The following MSRB3 variants were observed in gnomAD, a reference collection of about 807,000 sequenced individuals.
MSRB3 encodes methionine sulfoxide reductase B3, also known as methionine-R-sulfoxide reductase B3.
MSRB3 carries 13 observed loss-of-function variants against 21.0 expected under a neutral mutation model. The observed-to-expected ratio is 0.62, with a 90% confidence interval of 0.40 to 0.98. The LOEUF is 0.98. Ranked by LOEUF, MSRB3 falls within the 50% of genes least tolerant of loss-of-function variation. The pLI is 0.00. For missense variants in MSRB3, 199 were observed against 230.3 expected, an observed-to-expected ratio of 0.86 and a Z score of 0.88; for synonymous variants, 87 against 88.6, an observed-to-expected ratio of 0.98 and a Z score of 0.10.
rs182998213 is a variant in MSRB3, at chr12:65,418,156, G to A, written c.293-35572G>A. ...TTTTGCTCTTGTCACCCAGGCTGGAGTGCAATGGCATGATCCTGGCTCACT... is the reference window on the plus strand; with the variant it reads ...TTTTGCTCTTGTCACCCAGGCTGGAATGCAATGGCATGATCCTGGCTCACT... On this transcript the variant is annotated intron_variant, in intron 5 of 6. Coordinates refer to ENST00000308259, the MANE Select transcript of MSRB3 (RefSeq NM_001031679.3). 7.2e-5 allele frequency among the ~76,000 whole-genome samples: 11 copies of A among 152,300 alleles called. No individual in the cohort carries two copies. In the East Asian group the frequency reaches 2.1e-3, roughly 29 times the overall value.
chr12:65,418,754 C>T (rs1881114544), intron 5 of MSRB3: 3 of 937,754 alleles, frequency 3.2e-6, no homozygotes, highest in Non-Finnish European at 5.2e-6. Flanking sequence ...TCATTGATCT[C>T]AGACACCACT....
chr12:65,351,490 CA>C (rs1313991134), intron 4 of MSRB3, among the ~76,000 whole-genome samples: 1 of 148,254 alleles, frequency 6.7e-6, no homozygotes, highest in Non-Finnish European at 1.5e-5. Context: ...AATAGAGACA[CA>C]AAAAACCCTT....
intron 5 of MSRB3, among the ~76,000 whole-genome samples, chr12:65,437,380 C>T (rs1257302340): frequency 1.3e-5 from 2 of 151,884 alleles, no homozygotes; most frequent in African/African-American, 2.4e-5. Flanking sequence ...ATTTTGGATA[C>T]AGGAGGCTTT....
chr12:65,298,003 CT>C (rs58659084), intron 1 of MSRB3, among the ~76,000 whole-genome samples: 293 of 145,594 alleles, frequency 2.0e-3, no homozygotes, highest in Non-Finnish European at 2.9e-3. Context: ...GATGGGTCTA[CT>C]TTTTTTTTTT....
chr12:65,297,906 C>T (rs1873074920), intron 1 of MSRB3, among the ~76,000 whole-genome samples: 1 of 152,042 alleles, frequency 6.6e-6, no homozygotes, highest in Non-Finnish European at 1.5e-5. Flanking sequence ...ATAAAATTGA[C>T]AGCACTTAGT....
intron 5 of MSRB3, among the ~76,000 whole-genome samples, chr12:65,372,927 C>T (rs561517868): frequency 6.6e-6 from 1 of 152,196 alleles, no homozygotes; most frequent in South Asian, 2.1e-4. Context: ...ATAAGCTAGG[C>T]ACCTTTGGAA....
chr12:65,338,698 C>T (rs1159295426), intron 4 of MSRB3, among the ~76,000 whole-genome samples: 1 of 152,046 alleles, frequency 6.6e-6, no homozygotes, highest in African/African-American at 2.4e-5. Flanking sequence ...AGAAAAATAA[C>T]AACAAAATCA....
intron 4 of MSRB3, among the ~76,000 whole-genome samples, chr12:65,367,563 G>A (rs532849296): frequency 1.3e-5 from 2 of 152,336 alleles, no homozygotes; most frequent in South Asian, 2.1e-4. Context: ...AGGTTAATAA[G>A]GCATGGCTAT....
intron 5 of MSRB3, among the ~76,000 whole-genome samples, chr12:65,383,239 T>C (rs1879036841): frequency 6.6e-6 from 1 of 152,232 alleles, no homozygotes; most frequent in Admixed American, 6.5e-5. Flanking sequence ...CACACTCTGA[T>C]TGAGCTTTGT....
At chr12:65,410,146 A>G (rs1002682448) in intron 5 of MSRB3, among the ~76,000 whole-genome samples, 1 of 152,030 alleles carries the variant, frequency 6.6e-6, no homozygotes, top group South Asian at 2.1e-4. Flanking sequence ...TATTTCATGT[A>G]TTGCCAGTTT....
chr12:65,398,915 G>T (rs1467764490), intron 5 of MSRB3, among the ~76,000 whole-genome samples: 1 of 152,168 alleles, frequency 6.6e-6, no homozygotes, highest in Non-Finnish European at 1.5e-5. Context: ...TCAGAGGGTT[G>T]TAGGTGTGTG....
At chr12:65,321,350 A>G (rs1439626461) in intron 2 of MSRB3, among the ~76,000 whole-genome samples, 1 of 152,182 alleles carries the variant, frequency 6.6e-6, no homozygotes, top group African/African-American at 2.4e-5. Flanking sequence ...CTTACTTAGC[A>G]TAGTGTCTGA....
intron 3 of MSRB3, among the ~76,000 whole-genome samples, chr12:65,327,394 C>T (rs1565835468): frequency 1.3e-5 from 2 of 152,172 alleles, no homozygotes. Flanking sequence ...TTTTGAAGCA[C>T]ATGTGGAGAA....
At chr12:65,333,738 C>T (rs1198583147) in intron 4 of MSRB3, among the ~76,000 whole-genome samples, 2 of 152,360 alleles carry the variant, frequency 1.3e-5, no homozygotes, top group East Asian at 3.9e-4. Flanking sequence ...TTTGAATGCG[C>T]TTCCATCATT....
chr12:65,383,388 C>T (rs1490416661), intron 5 of MSRB3, among the ~76,000 whole-genome samples: 1 of 152,152 alleles, frequency 6.6e-6, no homozygotes, highest in Admixed American at 6.5e-5. Flanking sequence ...TTGCCTCTTT[C>T]TGAAGCCTGT....
intron 5 of MSRB3, among the ~76,000 whole-genome samples, chr12:65,371,200 T>C (rs1878298763): frequency 6.6e-6 from 1 of 151,822 alleles, no homozygotes; most frequent in Non-Finnish European, 1.5e-5. Flanking sequence ...TGGTGGCACA[T>C]GCCTGTAGTC....
chr12:65,323,168 G>A (rs1046524125), intron 2 of MSRB3, among the ~76,000 whole-genome samples: 3 of 152,160 alleles, frequency 2.0e-5, no homozygotes, highest in African/African-American at 7.2e-5. Flanking sequence ...CATAGCAAAG[G>A]TGACTTGCTT....
intron 1 of MSRB3, chr12:65,285,179 A>G (rs1464194547): frequency 6.6e-6 from 1 of 152,208 alleles, no homozygotes; most frequent in Non-Finnish European, 1.5e-5. Context: ...CTAATGTAAA[A>G]TGAAAAATAA....
chr12:65,427,849 T>C (rs367593397), intron 5 of MSRB3, among the ~76,000 whole-genome samples: 12 of 152,226 alleles, frequency 7.9e-5, no homozygotes, highest in East Asian at 7.7e-4. Flanking sequence ...AGTGCAGCCA[T>C]GCACAGCAAG....
Sources: gnomAD v4.1 joint callset for allele counts (sites outside exome capture counted in the v4.1 genomes callset) on GRCh38, gnomAD v4.1.1 for gene constraint, MANE v1.5 for transcripts, NCBI Gene and HGNC (gene_info 2026-07-23, HGNC 2026-07-21) for gene names.